The following PAPSS2 variants were observed in gnomAD, a reference collection of about 807,000 sequenced individuals.
PAPSS2 encodes 3'-phosphoadenosine 5'-phosphosulfate synthase 2.
Under a neutral mutation model 66.5 loss-of-function variants are expected in PAPSS2, and 61 were observed. The ratio of observed to expected loss-of-function variants is 0.92; its 90% CI spans 0.75 to 1.14. PAPSS2 has a LOEUF of 1.14. PAPSS2 is among the 50% of genes most tolerant of loss of function. The pLI is 0.00. For missense variants in PAPSS2, 708 were observed against 789.6 expected (o/e 0.90, Z 1.24); for synonymous variants, 289 against 287.5 (o/e 1.01, Z -0.05).
chr10:87,700,881 G>T (rs1159398117), intron 1 of PAPSS2, among the ~76,000 whole-genome samples: 1 of 151,730 alleles, frequency 6.6e-6, no homozygotes, highest in Non-Finnish European at 1.5e-5. Context: ...TGATGGAAAA[G>T]AAATAAAATC....
intron 1 of PAPSS2, among the ~76,000 whole-genome samples, chr10:87,670,845 C>T (rs1852867829): frequency 1.3e-5 from 2 of 152,102 alleles, no homozygotes; most frequent in South Asian, 2.1e-4. Flanking sequence ...CAGTTTCTTC[C>T]ATTTTCTTCT....
At chr10:87,736,460 G>T (rs576324104) in intron 9 of PAPSS2, among the ~76,000 whole-genome samples, 4 of 151,810 alleles carry the variant, frequency 2.6e-5, no homozygotes, top group African/African-American at 9.7e-5. Context: ...TAGAGACAGG[G>T]TTTCACCATA....
chr10:87,711,972 C>T (rs1351749241), intron 2 of PAPSS2, among the ~76,000 whole-genome samples: 1 of 151,792 alleles, frequency 6.6e-6, no homozygotes. Context: ...TTTTAGAGTG[C>T]TAGCCTTTAG....
intron 1 of PAPSS2, among the ~76,000 whole-genome samples, chr10:87,677,151 G>A (rs911147211): frequency 5.9e-5 from 9 of 152,140 alleles, no homozygotes; most frequent in Middle Eastern, 3.4e-3. Flanking sequence ...CTGAGATCAC[G>A]CCACTACACT....
chr10:87,742,798 A>G (rs1217647567), intron 10 of PAPSS2, among the ~76,000 whole-genome samples: 1 of 152,248 alleles, frequency 6.6e-6, no homozygotes, highest in Admixed American at 6.5e-5. Context: ...TGTACAGGAA[A>G]GGTCCTGGCA....
intron 7 of PAPSS2, 53 bp downstream of exon 7, chr10:87,715,896 C>G (rs1853527088): frequency 2.5e-6 from 3 of 1,179,936 alleles, no homozygotes; most frequent in African/African-American, 1.5e-5. Context: ...AAAAAAAAAT[C>G]TTTCCCAGAA....
At chr10:87,681,577 C>A (rs1324375334) in intron 1 of PAPSS2, among the ~76,000 whole-genome samples, 2 of 152,082 alleles carry the variant, frequency 1.3e-5, no homozygotes. Context: ...AAAATTCACC[C>A]ATTTTAACTG....
In PAPSS2 at chr10:87,745,919, C is replaced by T; in HGVS notation, c.1809C>T (p.Pro603=). 6.2e-7 allele frequency: 1 copy of T among 1,614,018 alleles called. No homozygotes were observed. Residue 603 remains proline (P), a synonymous_variant, in exon 13 of 13, where the codon CCC becomes CCT. Coordinates refer to ENST00000456849, the MANE Select transcript of PAPSS2 (RefSeq NM_001015880.2). ...GENPPDGFMA[P]KAWKVLTDYY... ...ATCCCCCAGATGGCTTCATGGCCCC[C>T]AAAGCATGGAAGGTCCTGACAGATT...
chr10:87,661,014 T>C (rs1350304716), intron 1 of PAPSS2: 1 of 455,838 alleles, frequency 2.2e-6, no homozygotes, highest in Non-Finnish European at 4.4e-6. Context: ...ACTGAATGGG[T>C]TGACCTCTCT....
chr10:87,707,802 G>A (rs1299375412), intron 1 of PAPSS2, among the ~76,000 whole-genome samples: 1 of 151,882 alleles, frequency 6.6e-6, no homozygotes, highest in Non-Finnish European at 1.5e-5. Context: ...AAACTCCTGA[G>A]CTTAAGCAAT....
intron 1 of PAPSS2, among the ~76,000 whole-genome samples, chr10:87,686,890 A>G (rs1280797506): frequency 6.6e-6 from 1 of 152,216 alleles, no homozygotes; most frequent in East Asian, 1.9e-4. Context: ...GGCATGGAAT[A>G]AATGCAAGGT....
chr10:87,691,661 C>G (rs949208174), intron 1 of PAPSS2, among the ~76,000 whole-genome samples: 4 of 152,156 alleles, frequency 2.6e-5, no homozygotes, highest in Admixed American at 6.5e-5. Flanking sequence ...AAACAGGATA[C>G]TGTGGGGTCA....
chr10:87,744,775 A>C (rs1490240481), intron 11 of PAPSS2, among the ~76,000 whole-genome samples: 1 of 152,190 alleles, frequency 6.6e-6, no homozygotes. Flanking sequence ...GAGGAAATAC[A>C]ACCTTGAGTT....
chr10:87,740,487 A>G (rs1853854636), intron 9 of PAPSS2, among the ~76,000 whole-genome samples: 2 of 152,268 alleles, frequency 1.3e-5, no homozygotes, highest in Non-Finnish European at 2.9e-5. Context: ...TAATTGGCCA[A>G]TATGTAATAT....
At chr10:87,717,004 T>C (rs894069325) in intron 7 of PAPSS2, among the ~76,000 whole-genome samples, 8 of 152,230 alleles carry the variant, frequency 5.3e-5, no homozygotes, top group Admixed American at 2.0e-4. Context: ...TTAAGTGATT[T>C]GCTCATAACA....
chr10:87,724,321 T>A (rs1452022304), intron 8 of PAPSS2, among the ~76,000 whole-genome samples: 1 of 151,972 alleles, frequency 6.6e-6, no homozygotes, highest in African/African-American at 2.4e-5. Context: ...AAGGAACTTT[T>A]AAAAATGACT....
At chr10:87,688,443 T>TTTATTTATTTA in intron 1 of PAPSS2, among the ~76,000 whole-genome samples, 1 of 138,126 alleles carries the variant, frequency 7.2e-6, no homozygotes, top group Admixed American at 7.3e-5. Flanking sequence ...TTCTTTTTTA[T>TTTATTTATTTA]TTTATTTATT....
chr10:87,727,858 C>A (rs117080538), intron 9 of PAPSS2, among the ~76,000 whole-genome samples: 3 of 152,204 alleles, frequency 2.0e-5, no homozygotes, highest in Non-Finnish European at 4.4e-5. Context: ...CTTGAAAATG[C>A]GCAAGGAACA....
intron 9 of PAPSS2, among the ~76,000 whole-genome samples, chr10:87,738,516 C>T (rs1038926229): frequency 6.6e-6 from 1 of 151,966 alleles, no homozygotes; most frequent in African/African-American, 2.4e-5. Flanking sequence ...CTCAGGTGAT[C>T]CTCCCACCTC....
Sources: allele counts gnomAD v4.1 joint callset (sites outside exome capture counted in the v4.1 genomes callset), GRCh38; gene constraint gnomAD v4.1.1; transcripts MANE v1.5; gene names NCBI Gene and HGNC (gene_info 2026-07-23, HGNC 2026-07-21).